Variants in CACNB2 observed in about 807,000 individuals in gnomAD.
CACNB2 encodes voltage-dependent L-type calcium channel subunit beta-2.
Under a neutral mutation model 73.3 loss-of-function variants are expected in CACNB2, and 42 were observed. The ratio of observed to expected loss-of-function variants is 0.57; its 90% confidence interval spans 0.45 to 0.74. The LOEUF (loss-of-function observed/expected upper bound fraction) is 0.74. CACNB2 is among the 30% of genes least tolerant of loss of function. The probability of loss-of-function intolerance (pLI) is 0.00; values close to 1 mark genes in which losing one functional copy is unlikely to be tolerated. For missense variants in CACNB2, 940 were observed against 853.0 expected (o/e 1.10, Z -1.27); for synonymous variants, 348 against 310.3 (o/e 1.12, Z -1.28).
chr10:18,512,011 C>T (rs2050823109), intron 6 of CACNB2, among the ~76,000 whole-genome samples: 1 of 152,160 alleles, frequency 6.6e-6, no homozygotes, highest in Non-Finnish European at 1.5e-5. Flanking sequence ...CCATCTCTGA[C>T]TCTGCAGTTG....
At chr10:18,335,168 C>T (rs1157044949) in intron 2 of CACNB2, among the ~76,000 whole-genome samples, 1 of 151,800 alleles carries the variant, frequency 6.6e-6, no homozygotes, top group Admixed American at 6.6e-5. Context: ...GACTTAACCA[C>T]TTAAATTAAG....
At chr10:18,170,914 T>G (rs767817931) in intron 2 of CACNB2, among the ~76,000 whole-genome samples, 4 of 152,216 alleles carry the variant, frequency 2.6e-5, no homozygotes, top group Non-Finnish European at 4.4e-5. Flanking sequence ...TTTCCATATA[T>G]TTTTTAAAGT....
intron 2 of CACNB2, among the ~76,000 whole-genome samples, chr10:18,192,235 G>A (rs1213842381): frequency 1.3e-5 from 2 of 152,066 alleles, no homozygotes; most frequent in Non-Finnish European, 2.9e-5. Flanking sequence ...TTCTTTGTCT[G>A]TACCAGGCAG....
At chr10:18,419,365 A>G (rs2132704283) in intron 3 of CACNB2, among the ~76,000 whole-genome samples, 1 of 152,244 alleles carries the variant, frequency 6.6e-6, no homozygotes, top group African/African-American at 2.4e-5. Context: ...GGTAAGACAT[A>G]GAAAATGCAA....
In CACNB2 at chr10:18,500,168, T is replaced by C. The variant is rs1402109909; in HGVS notation, c.457-644T>C. On this transcript the variant is annotated intron_variant, in intron 4 of 13. Coordinates refer to ENST00000324631, the MANE Select transcript of CACNB2 (RefSeq NM_201596.3). Reference sequence around the variant, plus strand: ...TGCTGAAAGGGGGATCTTTCCACCATGAAAGGAAAAGAAAAACAGAATGTA... The same window carrying C: ...TGCTGAAAGGGGGATCTTTCCACCACGAAAGGAAAAGAAAAACAGAATGTA... Among the ~76,000 whole-genome samples, 8 of 152,260 alleles carry C rather than the reference T, an allele frequency of 5.3e-5. No individual in the cohort carries two copies. In the South Asian group the frequency reaches 1.0e-3, roughly 20 times the overall value.
intron 2 of CACNB2, among the ~76,000 whole-genome samples, chr10:18,199,642 T>A (rs1185171176): frequency 6.6e-6 from 1 of 152,202 alleles, no homozygotes; most frequent in Non-Finnish European, 1.5e-5. Flanking sequence ...ATACCAGATG[T>A]TCAGTTTAAT....
intron 2 of CACNB2, among the ~76,000 whole-genome samples, chr10:18,208,803 C>T (rs2035202698): frequency 2.7e-5 from 4 of 147,406 alleles, no homozygotes; most frequent in Admixed American, 2.7e-4. Flanking sequence ...TAGAGAAGGG[C>T]TGAGCGGTAG....
At chr10:18,252,224 A>G (rs1398358101) in intron 2 of CACNB2, among the ~76,000 whole-genome samples, 3 of 152,224 alleles carry the variant, frequency 2.0e-5, no homozygotes, top group African/African-American at 7.2e-5. Flanking sequence ...TCTAAGAAGC[A>G]GCTTTTCAGA....
intron 2 of CACNB2, among the ~76,000 whole-genome samples, chr10:18,158,250 T>A (rs760666079): frequency 2.0e-5 from 3 of 152,184 alleles, no homozygotes; most frequent in African/African-American, 4.8e-5. Context: ...GGCACCTAGT[T>A]TTACAGTAAC....
At chr10:18,262,741 T>A (rs2037612104) in intron 2 of CACNB2, among the ~76,000 whole-genome samples, 1 of 152,228 alleles carries the variant, frequency 6.6e-6, no homozygotes, top group East Asian at 1.9e-4. Context: ...TTCTGTTTAT[T>A]CTTGTATAAT....
chr10:18,391,885 G>A (rs1176004298), intron 2 of CACNB2, among the ~76,000 whole-genome samples: 1 of 128,166 alleles, frequency 7.8e-6, no homozygotes, highest in Non-Finnish European at 1.5e-5. Flanking sequence ...CCAAGATTGT[G>A]CCACTGCACT....
At chr10:18,272,383 A>G (rs561165796) in intron 2 of CACNB2, among the ~76,000 whole-genome samples, 7 of 152,304 alleles carry the variant, frequency 4.6e-5, no homozygotes, top group African/African-American at 1.7e-4. Context: ...CTATGCCTCT[A>G]TATTCATAAT....
intron 3 of CACNB2, among the ~76,000 whole-genome samples, chr10:18,451,459 T>A (rs2047018364): frequency 6.6e-6 from 1 of 152,220 alleles, no homozygotes; most frequent in South Asian, 2.1e-4. Flanking sequence ...ACACATCACA[T>A]CTGCCACATC....
chr10:18,529,067 G>C (rs1324093725), intron 10 of CACNB2, among the ~76,000 whole-genome samples: 1 of 152,094 alleles, frequency 6.6e-6, no homozygotes, highest in Non-Finnish European at 1.5e-5. Flanking sequence ...CCCAGGCTTG[G>C]GCAATCCTGC....
intron 3 of CACNB2, among the ~76,000 whole-genome samples, chr10:18,433,153 C>G (rs948167321): frequency 6.6e-6 from 1 of 150,530 alleles, no homozygotes; most frequent in Non-Finnish European, 1.5e-5. Context: ...ATTTGAAATC[C>G]TATTAAGTAC....
intron 2 of CACNB2, among the ~76,000 whole-genome samples, chr10:18,283,418 C>T (rs1418647411): frequency 6.6e-6 from 1 of 152,130 alleles, no homozygotes; most frequent in African/African-American, 2.4e-5. Flanking sequence ...TTGGAACCAA[C>T]CCTTATGTCC....
At chr10:18,316,927 C>T (rs989428508) in intron 2 of CACNB2, among the ~76,000 whole-genome samples, 5 of 152,172 alleles carry the variant, frequency 3.3e-5, no homozygotes, top group Admixed American at 3.3e-4. Context: ...TTTATAATTA[C>T]CCTCAAGGAA....
chr10:18,317,586 T>C (rs1297266538), intron 2 of CACNB2, among the ~76,000 whole-genome samples: 1 of 152,196 alleles, frequency 6.6e-6, no homozygotes, highest in Non-Finnish European at 1.5e-5. Flanking sequence ...TATGGCTGCA[T>C]AGTATCCTGT....
rs371407084 is a variant in CACNB2 at position 18,492,620 on chromosome 10, CAAA to C, written c.334-5719_334-5717del. On this transcript the variant is annotated intron_variant, in intron 3 of 13. Coordinates refer to ENST00000324631, the MANE Select transcript of CACNB2 (RefSeq NM_201596.3). ...TGAGTGACAGAGCAAGACTCTGTCT[CAAA>C]AAAAAAAAAAAAAAAGAAAAAAAGA... Among the ~76,000 whole-genome samples the C allele has an allele frequency of 4.8e-4, 43 of 90,468 alleles. 1 individual carries two copies. The highest frequency in any genetic ancestry group is 1.9e-3 in the African/African-American group (43 of 22,460). 59.4% of individuals were successfully genotyped at this position (90,468 alleles called of 152,430 possible).
Sources: allele counts gnomAD v4.1 joint callset (sites outside exome capture counted in the v4.1 genomes callset), GRCh38; gene constraint gnomAD v4.1.1; transcripts MANE v1.5; gene names NCBI Gene and HGNC (gene_info 2026-07-23, HGNC 2026-07-21).